P2RX3: variants seen among roughly 807,000 people sequenced by gnomAD.
P2RX3 encodes the protein P2X purinoceptor 3.
Under a neutral mutation model 51.5 loss-of-function variants are expected in P2RX3, and 41 were observed. The observed-to-expected ratio is 0.80, with a 90% CI of 0.62 to 1.03. The LOEUF (loss-of-function observed/expected upper bound fraction) is 1.03, where lower values mean the gene tolerates loss of function less well. Among genes scored for constraint, P2RX3 ranks in the 50% least tolerant of loss-of-function variants. P2RX3 has a pLI of 0.00. For synonymous variants in P2RX3, 185 were observed against 191.6 expected, an observed-to-expected ratio of 0.97 and a Z score of 0.29; for missense variants, 459 against 522.1, an observed-to-expected ratio of 0.88 and a Z score of 1.18.
intron 8 of P2RX3, among the ~76,000 whole-genome samples, chr11:57,365,704 G>C (rs931090485): frequency 5.9e-5 from 9 of 152,200 alleles, no homozygotes; most frequent in Non-Finnish European, 1.0e-4. Flanking sequence ...AACACCAGAG[G>C]CCACATTAAC....
intron 8 of P2RX3, among the ~76,000 whole-genome samples, chr11:57,361,666 C>T (rs1377287691): frequency 6.6e-6 from 1 of 152,086 alleles, no homozygotes; most frequent in African/African-American, 2.4e-5. Context: ...GTATATATAC[C>T]ACATTTTCTT....
chr11:57,345,195 G>A (rs537835726), intron 1 of P2RX3, among the ~76,000 whole-genome samples: 2 of 152,244 alleles, frequency 1.3e-5, no homozygotes, highest in African/African-American at 2.4e-5. Context: ...GTCTTCTCTG[G>A]GCTACACAGT....
chr11:57,350,652 T>C, intron 7 of P2RX3, 110 bp from the exon 8 acceptor site: 1 of 1,430,730 alleles, frequency 7.0e-7, no homozygotes. Context: ...GTCTCCCACC[T>C]GGAGGATGGG....
At position 57,348,530 on chromosome 11, in the gene P2RX3, T is replaced by C; in HGVS notation, c.486-97T>C. 8 of 1,050,160 alleles carry C rather than the reference T, an allele frequency of 7.6e-6. No individual in the cohort carries two copies. The South Asian group carries it at 1.1e-4, about 14-fold the overall frequency. The allele number at this position is 1,050,160 out of a possible 1,614,324, so 65.1% of individuals were successfully genotyped here. A position where few individuals can be genotyped will look rare whatever the true frequency, so the allele number is the denominator to read the frequency against. On this transcript the variant is annotated intron_variant, in intron 5 of 11. Transcript: ENST00000263314. ...GCCCTTTATCTATAAGAGGTCTCCC[T>C]TTGGAGGCATCCACCAGGAAAGGTC...
At chr11:57,359,258 C>G (rs980344857) in intron 8 of P2RX3, among the ~76,000 whole-genome samples, 1 of 152,198 alleles carries the variant, frequency 6.6e-6, no homozygotes, top group Non-Finnish European at 1.5e-5. Flanking sequence ...TACCCCATCC[C>G]CTCCTTCCCA....
chr11:57,336,375 G>C (rs1856221879), upstream of P2RX3, among the ~76,000 whole-genome samples: 1 of 152,178 alleles, frequency 6.6e-6, no homozygotes, highest in Admixed American at 6.5e-5. Flanking sequence ...AAAATTATAG[G>C]TACCTCCAAG....
chr11:57,368,952 T>C (rs1340582784), intron 10 of P2RX3, among the ~76,000 whole-genome samples: 1 of 152,146 alleles, frequency 6.6e-6, no homozygotes, highest in Non-Finnish European at 1.5e-5. Context: ...CAGTCCTCCC[T>C]GGAGGACTGG....
intron 8 of P2RX3, among the ~76,000 whole-genome samples, chr11:57,367,426 A>AT (rs1394630658): frequency 6.6e-6 from 1 of 152,218 alleles, no homozygotes; most frequent in African/African-American, 2.4e-5. Context: ...AAATTATTTA[A>AT]AAGGCAAGTT....
In P2RX3 at chr11:57,348,006, T is replaced by A. The variant is rs371154102; in HGVS notation, c.392-164T>A. 7.2e-5 allele frequency among the ~76,000 whole-genome samples: 11 copies of A among 152,298 alleles called. No individual in the cohort carries two copies. The East Asian group carries it at 2.1e-3, about 29-fold the overall frequency. On this transcript the variant is annotated intron_variant, in intron 4 of 11. Transcript: ENST00000263314. The stretch of plus-strand genomic sequence containing the variant: ...GCTGTCACCTCCCTTTGGCTGGGTC[T>A]GGGGCTCAGGAGAAGCAGCAGGAGA...
chr11:57,337,674 G>T (rs1218906931), upstream of P2RX3, among the ~76,000 whole-genome samples: 1 of 152,168 alleles, frequency 6.6e-6, no homozygotes, highest in Non-Finnish European at 1.5e-5. Flanking sequence ...CCTGTCGCGG[G>T]GTGGGCGGAG....
In P2RX3 at chr11:57,371,083, C is replaced by G. The variant is rs1368251712; in HGVS notation, c.*1086C>G. Among the ~76,000 whole-genome samples the G allele has an allele frequency of 6.6e-6, 1 of 152,182 alleles. No homozygotes were observed. The highest frequency in any genetic ancestry group is 1.9e-4 in the East Asian group (1 of 5,194). On this transcript the variant is annotated 3_prime_UTR_variant, in exon 12 of 12. Coordinates refer to ENST00000263314, the MANE Select transcript of P2RX3 (RefSeq NM_002559.5). ...TGCTTACAGATGAGCAAACTGAGGCCAGAAAGGGAAAATGACTGGTTCAGT... is the reference window on the plus strand; with the variant it reads ...TGCTTACAGATGAGCAAACTGAGGCGAGAAAGGGAAAATGACTGGTTCAGT...
At chr11:57,344,682 C>A (rs892232705) in intron 1 of P2RX3, among the ~76,000 whole-genome samples, 2 of 152,062 alleles carry the variant, frequency 1.3e-5, no homozygotes, top group Non-Finnish European at 2.9e-5. Flanking sequence ...CAGAGTGACA[C>A]TCTGTCTCAA....
At chr11:57,355,000 C>T (rs887142710) in intron 8 of P2RX3, among the ~76,000 whole-genome samples, 5 of 152,156 alleles carry the variant, frequency 3.3e-5, no homozygotes, top group Non-Finnish European at 5.9e-5. Flanking sequence ...AACATGGAGA[C>T]GGACAGAGCT....
At chr11:57,366,022 A>G (rs769628630) in intron 8 of P2RX3, among the ~76,000 whole-genome samples, 8 of 152,180 alleles carry the variant, frequency 5.3e-5, no homozygotes, top group Non-Finnish European at 1.2e-4. Context: ...AGACACTGAG[A>G]GGGAACAATG....
At chr11:57,360,140 G>C (rs1024997892) in intron 8 of P2RX3, among the ~76,000 whole-genome samples, 3 of 152,192 alleles carry the variant, frequency 2.0e-5, no homozygotes, top group African/African-American at 7.2e-5. Flanking sequence ...AGGTGTGGAA[G>C]CCTCTAGCCT....
rs778456890 is a variant in P2RX3 at position 57,349,889 on chromosome 11, G to A, written c.696G>A (p.Leu232=). 1 of 1,614,214 alleles carries A rather than the reference G, an allele frequency of 6.2e-7. No individual in the cohort carries two copies. The highest frequency in any genetic ancestry group is 1.7e-5 in the Admixed American group (1 of 60,030). Reference sequence around the variant, plus strand: ...TTGCGGGGCAGGATTTTGCCAAACTGGCGCGCACGGTGAGGACCTAGCCAT... The same window carrying A: ...TTGCGGGGCAGGATTTTGCCAAACTAGCGCGCACGGTGAGGACCTAGCCAT... The part of the protein sequence containing the change: ...VKFAGQDFAK[L]ARTGGVLGIK... The change falls in exon 7 of 12, where the codon CTG becomes CTA. Residue 232 remains leucine (L), a synonymous_variant. Transcript: ENST00000263314.
At chr11:57,350,179 A>G (rs956898053) in intron 7 of P2RX3, 16 of 467,704 alleles carry the variant, frequency 3.4e-5, no homozygotes, top group African/African-American at 2.9e-4. Flanking sequence ...GATCTGTAAT[A>G]AGCCCCAAAC....
intron 10 of P2RX3, among the ~76,000 whole-genome samples, chr11:57,368,773 C>T (rs1012256816): frequency 1.3e-5 from 2 of 152,146 alleles, no homozygotes; most frequent in African/African-American, 4.8e-5. Flanking sequence ...AGGAACAGAG[C>T]CCACGTGGCA....
upstream of P2RX3, among the ~76,000 whole-genome samples, chr11:57,337,107 C>T (rs184088103): frequency 0.011 from 1,648 of 151,912 alleles, 35 homozygotes; most frequent in African/African-American, 0.038. Flanking sequence ...GACTGGCCAA[C>T]GTGGTGAAGC....
Sources: gnomAD v4.1 joint callset for allele counts (sites outside exome capture counted in the v4.1 genomes callset) on GRCh38, gnomAD v4.1.1 for gene constraint, MANE v1.5 for transcripts, NCBI Gene and HGNC (gene_info 2026-07-23, HGNC 2026-07-21) for gene names.